Variants in PTGER4 observed in about 807,000 individuals in gnomAD.
The protein encoded by PTGER4 is prostaglandin E2 receptor EP4 subtype.
Under a neutral mutation model 33.2 loss-of-function variants are expected in PTGER4, and 11 were observed. The ratio of observed to expected loss-of-function variants is 0.33; its 90% CI spans 0.21 to 0.55. PTGER4 has a LOEUF of 0.55. Among genes scored for constraint, PTGER4 ranks in the 20% least tolerant of loss-of-function variants. The pLI is 0.92. For missense variants in PTGER4, 481 were observed against 650.2 expected, an observed-to-expected ratio of 0.74 and a Z score of 2.83; for synonymous variants, 275 against 281.5, an observed-to-expected ratio of 0.98 and a Z score of 0.23.
the PTGER4 span, chr5:40,728,273 C>T: frequency 1.9e-5 from 4 of 209,234 alleles, no homozygotes; most frequent in Non-Finnish European, 3.2e-5. Context: ...GACATCAAGA[C>T]TCCATCTCAA....
Position 40,680,963 on chromosome 5 carries a change from A to G in PTGER4, c.-31A>G, listed in dbSNP as rs780019799. ...CTACCATCCCCAGACCCAGCCTTGC[A>G]CTCCAAGGCTGCGCACCGCCAGCCA... On this transcript the variant is annotated 5_prime_UTR_variant, in exon 2 of 3. Transcript: ENST00000302472. This position sits in a 1 kb window ranked among gnomAD's most constrained non-coding sequence, Gnocchi z 5.5. 2 of 1,574,552 alleles carry G rather than the reference A, an allele frequency of 1.3e-6. No homozygotes were observed. Among genetic ancestry groups the G allele is most frequent in the Admixed American group, 3.6e-5 (2 of 56,258 alleles).
At chr5:40,684,134 C>CA (rs1741270676) in intron 2 of PTGER4, among the ~76,000 whole-genome samples, 2 of 126,148 alleles carry the variant, frequency 1.6e-5, no homozygotes, top group East Asian at 3.0e-4. Flanking sequence ...ACCCCCCCCC[C>CA]CACAATTCAG....
chr5:40,732,324 T>C, the PTGER4 span, among the ~76,000 whole-genome samples: 1 of 152,102 alleles, frequency 6.6e-6, no homozygotes, highest in African/African-American at 2.4e-5. Flanking sequence ...GCCTCAAGTT[T>C]GGCATTACTT....
chr5:40,685,288 T>C (rs1466039534), intron 2 of PTGER4: 1 of 527,750 alleles, frequency 1.9e-6, no homozygotes, highest in African/African-American at 2.1e-5. Flanking sequence ...GGTTCCTTAC[T>C]ATAAACTAGT....
the PTGER4 span, among the ~76,000 whole-genome samples, chr5:40,745,657 G>A: frequency 4.1e-3 from 626 of 151,512 alleles, 3 homozygotes; most frequent in African/African-American, 0.015. Context: ...TCAAAGCACA[G>A]AAATTACAGA....
At chr5:40,697,148 AAG>A (rs1037567604), downstream of PTGER4, among the ~76,000 whole-genome samples, 8 of 130,920 alleles carry the variant, frequency 6.1e-5, no homozygotes, top group African/African-American at 1.1e-4. Context: ...GAAGGAAAGA[AAG>A]AGAAAGAAAG....
chr5:40,713,820 T>G, the PTGER4 span, among the ~76,000 whole-genome samples: 1 of 152,082 alleles, frequency 6.6e-6, no homozygotes, highest in Non-Finnish European at 1.5e-5. Flanking sequence ...TTCATAAAGA[T>G]TTGTTATTAA....
chr5:40,737,497 T>C, the PTGER4 span, among the ~76,000 whole-genome samples: 5 of 152,202 alleles, frequency 3.3e-5, no homozygotes, highest in African/African-American at 1.2e-4. Flanking sequence ...AAAGACATCA[T>C]GAACACATAT....
At chr5:40,741,847 G>A in the PTGER4 span, among the ~76,000 whole-genome samples, 1 of 152,102 alleles carries the variant, frequency 6.6e-6, no homozygotes, top group Non-Finnish European at 1.5e-5. Context: ...AAATTAGCCA[G>A]GCGTGGTGGC....
At chr5:40,738,905 T>C in the PTGER4 span, among the ~76,000 whole-genome samples, 1 of 152,220 alleles carries the variant, frequency 6.6e-6, no homozygotes, top group Admixed American at 6.5e-5. Flanking sequence ...GCTTGTCTTC[T>C]TCCTACTGAG....
the PTGER4 span, chr5:40,728,524 T>C: frequency 6.6e-7 from 1 of 1,514,156 alleles, no homozygotes; most frequent in Non-Finnish European, 8.9e-7. Context: ...ATTCATAAAC[T>C]AGCAACTACA....
At chr5:40,698,092 C>CAAAAAAAAAAAAAAAAAAAAAA (rs1156254550), downstream of PTGER4, among the ~76,000 whole-genome samples, 4 of 40,058 alleles carry the variant, frequency 1.0e-4, no homozygotes, top group Non-Finnish European at 1.2e-4. Context: ...CCTGTCTCTA[C>CAAAAAAAAAAAAAAAAAAAAAA]AAAAAAAAAA....
At chr5:40,733,027 GA>G in the PTGER4 span, among the ~76,000 whole-genome samples, 4 of 149,252 alleles carry the variant, frequency 2.7e-5, no homozygotes, top group Middle Eastern at 3.4e-3. Context: ...TAACACACAG[GA>G]AAAAAAAATG....
chr5:40,722,178 C>A, the PTGER4 span, among the ~76,000 whole-genome samples: 1 of 151,552 alleles, frequency 6.6e-6, no homozygotes, highest in Non-Finnish European at 1.5e-5. Context: ...TCACTCCAGC[C>A]TGGGTGACAG....
intron 2 of PTGER4, among the ~76,000 whole-genome samples, chr5:40,685,716 C>T (rs529522543): frequency 6.6e-6 from 1 of 152,278 alleles, no homozygotes; most frequent in East Asian, 1.9e-4. Context: ...TATTTTCACT[C>T]TCTCTACACC....
chr5:40,745,738 T>C, the PTGER4 span, among the ~76,000 whole-genome samples: 5 of 151,100 alleles, frequency 3.3e-5, no homozygotes, highest in Admixed American at 2.7e-4. Flanking sequence ...ACGATTTATT[T>C]ATTTGTTTAT....
the PTGER4 span, among the ~76,000 whole-genome samples, chr5:40,743,420 T>C: frequency 6.6e-6 from 1 of 152,190 alleles, no homozygotes; most frequent in Non-Finnish European, 1.5e-5. Context: ...TCAGTATTTT[T>C]TTTAATCTAA....
the PTGER4 span, among the ~76,000 whole-genome samples, chr5:40,709,744 G>T: frequency 6.6e-6 from 1 of 152,164 alleles, no homozygotes. Context: ...TAAGCCAAAA[G>T]AACAAAGCTG....
At chr5:40,706,344 G>C in the PTGER4 span, among the ~76,000 whole-genome samples, 1 of 152,006 alleles carries the variant, frequency 6.6e-6, no homozygotes, top group African/African-American at 2.4e-5. Flanking sequence ...AGGGTGGCAG[G>C]GGGGAGAAGA....
Sources: allele counts gnomAD v4.1 joint callset (sites outside exome capture counted in the v4.1 genomes callset), GRCh38; gene constraint gnomAD v4.1.1; non-coding constraint Gnocchi (gnomAD v3.1); transcripts MANE v1.5; gene names NCBI Gene and HGNC (gene_info 2026-07-23, HGNC 2026-07-21).